LRRTM4: variants seen among roughly 807,000 people sequenced by gnomAD.
The protein encoded by LRRTM4 is leucine rich repeat transmembrane neuronal 4.
A neutral mutation model predicts 47.6 loss-of-function variants in LRRTM4; 25 were observed. The ratio of observed to expected loss-of-function variants is 0.53; its 90% CI spans 0.38 to 0.73. The LOEUF (loss-of-function observed/expected upper bound fraction) is 0.73, where lower values mean the gene tolerates loss of function less well. Among genes scored for constraint, LRRTM4 ranks in the 30% least tolerant of loss-of-function variants. The pLI, the probability that LRRTM4 is intolerant of heterozygous loss-of-function variation, is 0.00. For missense variants in LRRTM4, 638 were observed against 713.4 expected (o/e 0.89, Z 1.20); for synonymous variants, 311 against 269.5 (o/e 1.15, Z -1.51).
At chr2:76,847,491 A>G (rs1671871011) in intron 3 of LRRTM4, among the ~76,000 whole-genome samples, 1 of 152,132 alleles carries the variant, frequency 6.6e-6, no homozygotes, top group East Asian at 1.9e-4. Context: ...TTCTCCTATT[A>G]GTTTACTAAA....
chr2:76,829,972 T>C (rs1047756855), intron 3 of LRRTM4, among the ~76,000 whole-genome samples: 5 of 152,040 alleles, frequency 3.3e-5, no homozygotes, highest in African/African-American at 7.2e-5. Context: ...CACAACATCT[T>C]TGACAGATGA....
chr2:77,310,669 T>A (rs913098215), intron 3 of LRRTM4, among the ~76,000 whole-genome samples: 49 of 152,300 alleles, frequency 3.2e-4, no homozygotes, highest in African/African-American at 1.0e-3. Context: ...GTCACAAAAC[T>A]ATTGTCTGAT....
chr2:77,106,468 TA>T (rs1671094782), intron 3 of LRRTM4, among the ~76,000 whole-genome samples: 1 of 152,182 alleles, frequency 6.6e-6, no homozygotes. Flanking sequence ...CCTCTGCACT[TA>T]CTTTTTATCC....
intron 3 of LRRTM4, among the ~76,000 whole-genome samples, chr2:76,953,328 T>C (rs1573361908): frequency 2.0e-5 from 3 of 151,744 alleles, no homozygotes; most frequent in Admixed American, 6.6e-5. Context: ...ATGAGAACTT[T>C]AGAAATCAGT....
chr2:77,454,389 C>T (rs1343033332), intron 3 of LRRTM4, among the ~76,000 whole-genome samples: 3 of 152,156 alleles, frequency 2.0e-5, no homozygotes, highest in Admixed American at 2.0e-4. Context: ...TTCTACATAA[C>T]AATGGTTGTT....
chr2:77,186,404 A>G (rs753973326), intron 3 of LRRTM4, among the ~76,000 whole-genome samples: 3 of 152,142 alleles, frequency 2.0e-5, no homozygotes, highest in Non-Finnish European at 2.9e-5. Flanking sequence ...TGTCTCAGTC[A>G]TCTTGCTGGA....
intron 3 of LRRTM4, among the ~76,000 whole-genome samples, chr2:77,082,244 T>G (rs1680556933): frequency 6.6e-6 from 1 of 152,100 alleles, no homozygotes; most frequent in Admixed American, 6.5e-5. Flanking sequence ...GAGGCACAGC[T>G]TATTTTTGCT....
At chr2:76,974,988 CT>C (rs1256975213) in intron 3 of LRRTM4, among the ~76,000 whole-genome samples, 1 of 151,472 alleles carries the variant, frequency 6.6e-6, no homozygotes, top group Non-Finnish European at 1.5e-5. Context: ...TTAAGTGGCA[CT>C]TTGGAGAGTG....
chr2:77,326,783 A>G (rs1670793000), intron 3 of LRRTM4, among the ~76,000 whole-genome samples: 1 of 152,192 alleles, frequency 6.6e-6, no homozygotes, highest in African/African-American at 2.4e-5. Flanking sequence ...CCTTATTTCC[A>G]GCCAATGAAT....
chr2:76,791,803 A>C (rs1432220371), intron 3 of LRRTM4, among the ~76,000 whole-genome samples: 1 of 152,222 alleles, frequency 6.6e-6, no homozygotes, highest in African/African-American at 2.4e-5. Flanking sequence ...TTATTTTGCC[A>C]ACAGTATTTG....
At chr2:76,812,400 C>A (rs2103824505) in intron 3 of LRRTM4, among the ~76,000 whole-genome samples, 1 of 152,236 alleles carries the variant, frequency 6.6e-6, no homozygotes, top group Admixed American at 6.5e-5. Flanking sequence ...TAGTGGTTAA[C>A]AAATGCTGAT....
intron 3 of LRRTM4, among the ~76,000 whole-genome samples, chr2:77,343,872 A>G (rs290036): frequency 0.77 from 116,580 of 151,792 alleles, 45,411 homozygotes; most frequent in African/African-American, 0.88. Context: ...CTATCTAAAA[A>G]CAAAGAAAAA....
intron 3 of LRRTM4, among the ~76,000 whole-genome samples, chr2:76,795,763 C>T (rs989498853): frequency 2.6e-5 from 4 of 152,092 alleles, no homozygotes; most frequent in Non-Finnish European, 5.9e-5. Context: ...ATTACCCTGA[C>T]ACCAAAGCCA....
intron 3 of LRRTM4, among the ~76,000 whole-genome samples, chr2:77,111,283 A>ATTTTTTTTTTTTTT (rs71381260): frequency 2.7e-5 from 3 of 113,162 alleles, no homozygotes; most frequent in African/African-American, 7.2e-5. Context: ...ACACCTGGCT[A>ATTTTTTTTTTTTTT]TTTTTTTTTT....
intron 3 of LRRTM4, among the ~76,000 whole-genome samples, chr2:77,038,193 T>C (rs1187333712): frequency 1.3e-5 from 2 of 151,602 alleles, no homozygotes; most frequent in South Asian, 2.1e-4. Flanking sequence ...ATCCTTACTA[T>C]GGTTTTCATT....
At chr2:77,283,786 C>G (rs114887313) in intron 3 of LRRTM4, among the ~76,000 whole-genome samples, 1 of 151,848 alleles carries the variant, frequency 6.6e-6, no homozygotes, top group Non-Finnish European at 1.5e-5. Flanking sequence ...TACTCATGGA[C>G]TTAACTTGGC....
intron 3 of LRRTM4, among the ~76,000 whole-genome samples, chr2:77,304,367 G>C (rs995587528): frequency 2.0e-5 from 3 of 152,098 alleles, no homozygotes; most frequent in Non-Finnish European, 2.9e-5. Flanking sequence ...CACATGTATA[G>C]TTTGCAAATA....
At chr2:77,078,266 T>G (rs1680410963) in intron 3 of LRRTM4, among the ~76,000 whole-genome samples, 1 of 152,152 alleles carries the variant, frequency 6.6e-6, no homozygotes, top group Non-Finnish European at 1.5e-5. Context: ...TTGTTCTAAG[T>G]GTTAGTTTCT....
At chr2:77,374,992 C>A (rs1348978957) in intron 3 of LRRTM4, among the ~76,000 whole-genome samples, 5 of 151,570 alleles carry the variant, frequency 3.3e-5, no homozygotes, top group East Asian at 1.9e-4. Flanking sequence ...GTCTTCTAAG[C>A]TTTCTACCTT....
Sources: gnomAD v4.1 joint callset for allele counts (sites outside exome capture counted in the v4.1 genomes callset) on GRCh38, gnomAD v4.1.1 for gene constraint, MANE v1.5 for transcripts, NCBI Gene and HGNC (gene_info 2026-07-23, HGNC 2026-07-21) for gene names.